The following GRID2 variants were observed in gnomAD, a reference collection of about 807,000 sequenced individuals.
The protein encoded by GRID2 is glutamate ionotropic receptor delta type subunit 2.
A neutral mutation model predicts 114.8 loss-of-function variants in GRID2; 33 were observed. The ratio of observed to expected loss-of-function variants is 0.29; its 90% CI spans 0.22 to 0.38. The LOEUF is 0.38. Ranked by LOEUF, GRID2 falls within the 10% of genes least tolerant of loss-of-function variation. The pLI is 1.00. For synonymous variants in GRID2, 505 were observed against 449.9 expected, an observed-to-expected ratio of 1.12 and a Z score of -1.55; for missense variants, 1,184 against 1,257.7, an observed-to-expected ratio of 0.94 and a Z score of 0.89.
At chr4:93,157,045 T>G (rs980940093) in intron 4 of GRID2, among the ~76,000 whole-genome samples, 1 of 151,700 alleles carries the variant, frequency 6.6e-6, no homozygotes, top group Non-Finnish European at 1.5e-5. Context: ...TGAGACTGTG[T>G]CCTGCACTCT....
chr4:93,805,835 G>C (rs1227888288), intron 1 of GRID2, among the ~76,000 whole-genome samples: 1 of 152,178 alleles, frequency 6.6e-6, no homozygotes, highest in East Asian at 1.9e-4. Flanking sequence ...GGTGGCTCAC[G>C]CCTGTTATCC....
intron 2 of GRID2, among the ~76,000 whole-genome samples, chr4:92,627,097 G>A (rs922743832): frequency 1.3e-5 from 2 of 151,974 alleles, no homozygotes; most frequent in Non-Finnish European, 2.9e-5. Context: ...ACATTTTGCA[G>A]AATCAACAAT....
At chr4:93,373,751 G>A (rs570422443) in intron 8 of GRID2, among the ~76,000 whole-genome samples, 6 of 152,296 alleles carry the variant, frequency 3.9e-5, no homozygotes, top group Non-Finnish European at 7.4e-5. Context: ...ATCTTGACAG[G>A]TAGTGGCTAT....
intron 2 of GRID2, among the ~76,000 whole-genome samples, chr4:92,788,093 A>G (rs867934331): frequency 4.0e-5 from 6 of 151,870 alleles, no homozygotes; most frequent in African/African-American, 9.7e-5. Flanking sequence ...ATTTCAAACC[A>G]TGAGCTTGGA....
At chr4:93,671,729 G>A (rs1724437447) in intron 14 of GRID2, among the ~76,000 whole-genome samples, 2 of 152,118 alleles carry the variant, frequency 1.3e-5, no homozygotes, top group Admixed American at 1.3e-4. Flanking sequence ...AAAACTTTGG[G>A]AGACTGAGGT....
intron 1 of GRID2, among the ~76,000 whole-genome samples, chr4:93,784,130 C>A (rs994398040): frequency 1.4e-5 from 2 of 140,320 alleles, no homozygotes; most frequent in South Asian, 4.7e-4. Flanking sequence ...TCGCATAAAG[C>A]TTTAGTACCT....
chr4:93,275,064 C>A (rs1414980547), intron 8 of GRID2, among the ~76,000 whole-genome samples: 1 of 151,766 alleles, frequency 6.6e-6, no homozygotes, highest in Non-Finnish European at 1.5e-5. Context: ...TAGTAGTCAC[C>A]CCCGACTTCC....
chr4:92,650,539 C>G (rs1731874874), intron 2 of GRID2, among the ~76,000 whole-genome samples: 1 of 151,908 alleles, frequency 6.6e-6, no homozygotes, highest in Non-Finnish European at 1.5e-5. Context: ...GATTAATCAC[C>G]CTAGCCAGTG....
chr4:92,976,570 T>C (rs1702312745), intron 2 of GRID2, among the ~76,000 whole-genome samples: 1 of 152,126 alleles, frequency 6.6e-6, no homozygotes, highest in Non-Finnish European at 1.5e-5. Flanking sequence ...ATATAATACA[T>C]TTCTGGCACA....
intron 2 of GRID2, among the ~76,000 whole-genome samples, chr4:92,674,129 T>G (rs1733210103): frequency 6.6e-6 from 1 of 152,184 alleles, no homozygotes; most frequent in African/African-American, 2.4e-5. Flanking sequence ...TTATCCTGTT[T>G]AAAATGAATT....
intron 13 of GRID2, among the ~76,000 whole-genome samples, chr4:93,541,595 G>C (rs763605227): frequency 7.1e-6 from 1 of 140,244 alleles, no homozygotes; most frequent in Non-Finnish European, 1.6e-5. Context: ...CAAACATTTT[G>C]TAGTCATTTA....
chr4:93,252,393 T>C (rs1749062892), intron 8 of GRID2, among the ~76,000 whole-genome samples: 1 of 150,930 alleles, frequency 6.6e-6, no homozygotes, highest in South Asian at 2.1e-4. Flanking sequence ...TATGGTCTTA[T>C]TTCTAGGTTC....
intron 1 of GRID2, among the ~76,000 whole-genome samples, chr4:92,555,066 G>T (rs111709334): frequency 1.2e-4 from 18 of 152,114 alleles, no homozygotes; most frequent in African/African-American, 3.9e-4. Flanking sequence ...GATTTTCAGG[G>T]TGGGATCCAG....
chr4:93,438,136 C>T (rs1281200655), intron 10 of GRID2, among the ~76,000 whole-genome samples: 1 of 152,000 alleles, frequency 6.6e-6, no homozygotes, highest in East Asian at 1.9e-4. Context: ...GTATTCTGGG[C>T]ACTGTGCCTG....
At chr4:93,362,588 T>C (rs949512894) in intron 8 of GRID2, among the ~76,000 whole-genome samples, 3 of 152,106 alleles carry the variant, frequency 2.0e-5, no homozygotes, top group African/African-American at 7.2e-5. Context: ...TCCCCTTCCA[T>C]AGTGCCTTAA....
At chr4:92,830,341 A>G (rs1317784699) in intron 2 of GRID2, among the ~76,000 whole-genome samples, 1 of 151,654 alleles carries the variant, frequency 6.6e-6, no homozygotes, top group Non-Finnish European at 1.5e-5. Flanking sequence ...TTACTTCAAA[A>G]TATTTCTATG....
rs186947391 is a variant in GRID2, at chr4:93,618,205, C to G, written c.2194-8064C>G. 2.6e-5 allele frequency among the ~76,000 whole-genome samples: 4 copies of G among 152,296 alleles called. No individual in the cohort carries two copies. The East Asian group carries it at 7.7e-4, about 29-fold the overall frequency. ...GGGGCTGGATTATTTGTTGTAGCCT[C>G]AAAGATTTTTTTGGTCTCACTTGAA... On this transcript the variant is annotated intron_variant, in intron 13 of 15. Coordinates refer to ENST00000282020, the MANE Select transcript of GRID2 (RefSeq NM_001510.4).
At chr4:93,269,010 A>T (rs911141443) in intron 8 of GRID2, among the ~76,000 whole-genome samples, 1 of 152,170 alleles carries the variant, frequency 6.6e-6, no homozygotes, top group African/African-American at 2.4e-5. Context: ...GACTGAATCT[A>T]TTTCCTGAAA....
intron 4 of GRID2, among the ~76,000 whole-genome samples, chr4:93,156,066 A>G (rs573265872): frequency 6.6e-6 from 1 of 151,948 alleles, no homozygotes; most frequent in South Asian, 2.1e-4. Flanking sequence ...TGCCGGTATC[A>G]GAATATCATA....
Sources: allele counts gnomAD v4.1 joint callset (sites outside exome capture counted in the v4.1 genomes callset), GRCh38; gene constraint gnomAD v4.1.1; transcripts MANE v1.5; gene names NCBI Gene and HGNC (gene_info 2026-07-23, HGNC 2026-07-21).